The following MEX3D variants were observed in gnomAD, a reference collection of about 807,000 sequenced individuals.
MEX3D encodes the protein mex-3 RNA binding family member D, also known as RNA-binding protein MEX3D.
A neutral mutation model predicts 6.3 loss-of-function variants in MEX3D; 4 were observed. That is an observed-to-expected ratio of 0.64 (90% CI 0.31 to 1.46). MEX3D has a LOEUF of 1.46. Among genes scored for constraint, MEX3D ranks in the 40% most tolerant of loss-of-function variants. The pLI, the probability that MEX3D is intolerant of heterozygous loss-of-function variation, is 0.07. For synonymous variants in MEX3D, 626 were observed against 494.1 expected (o/e 1.27, Z -3.54); for missense variants, 1,038 against 994.4 (o/e 1.04, Z -0.59).
chr19:1,566,147 A>G (rs1257374904), intron 1 of MEX3D, among the ~76,000 whole-genome samples: 2 of 152,112 alleles, frequency 1.3e-5, no homozygotes, highest in Admixed American at 1.3e-4. Flanking sequence ...ACAGGATGGT[A>G]GGGCGCCCTC....
intron 1 of MEX3D, among the ~76,000 whole-genome samples, chr19:1,560,378 G>A (rs1223299121): frequency 6.6e-6 from 1 of 152,254 alleles, no homozygotes; most frequent in Admixed American, 6.5e-5. Flanking sequence ...CCCACAGGCA[G>A]GAAGTGAGCC....
rs1243150482 is a variant in MEX3D at position 1,555,568 on chromosome 19, A to T, written c.1951T>A (p.Ser651Thr). The stretch of plus-strand genomic sequence containing the variant: ...GCCACGTGGTGGTCCGCGCTCTAGG[A>T]AAAGATATGAATGGCCTGGGTGGCC... ...TPATQAIHIFS is the reference protein window; with the variant it reads ...TPATQAIHIFT The change falls in exon 2 of 2, where the codon TCC becomes ACC. Residue 651 changes from serine to threonine, a missense_variant. Coordinates refer to ENST00000402693, the MANE Select transcript of MEX3D (RefSeq NM_203304.4). 2 of 1,580,356 alleles carry T rather than the reference A, an allele frequency of 1.3e-6. No individual in the cohort carries two copies. The highest frequency in any genetic ancestry group is 8.6e-7 in the Non-Finnish European group (1 of 1,165,538).
chr19:1,567,649 G>A lies in MEX3D; in HGVS notation c.410C>T (p.Pro137Leu). ...LDPNASPPPP[P>L]PPRPSPPDVF... ...GTCGGGGGGCGACGGCCGGGGCGGC[G>A]GCGGCGGCGGGGGACTCGCGTTGGG... Residue 137 changes from proline (P) to leucine (L), a missense_variant, in exon 1 of 2, where the codon CCG (proline) becomes CTG (leucine). Around this residue, in one of 5 missense-constraint regions of MEX3D, gnomAD observed 265 missense variants for 206.3 expected, o/e 1.28. Coordinates refer to ENST00000402693, the MANE Select transcript of MEX3D (RefSeq NM_203304.4). This position sits in a 1 kb window ranked among gnomAD's most constrained non-coding sequence, Gnocchi z 6.5. 1 of 1,229,174 alleles carries A rather than the reference G, an allele frequency of 8.1e-7. No individual in the cohort carries two copies. The highest frequency in any genetic ancestry group is 1.0e-6 in the Non-Finnish European group (1 of 979,172). 76.1% of individuals were successfully genotyped at this position (1,229,174 alleles called of 1,614,324 possible). A position where few individuals can be genotyped will look rare whatever the true frequency, so the allele number is the denominator to read the frequency against.
rs775586524 is a variant in MEX3D, at chr19:1,556,412, G to A, written c.1107C>T (p.Ala369=). The A allele has an allele frequency of 2.5e-6, 4 of 1,577,430 alleles. No individual in the cohort carries two copies. Among genetic ancestry groups the A allele is most frequent in the African/African-American group, 2.7e-5 (2 of 73,058 alleles). ...TDVCLDLLGA[A]ASLWAKTPNQ... is the part of the protein sequence containing the mutation. ...TGGGGGTCTTGGCCCAGAGGCTGGC[G>A]GCCGCCCCGAGCAGGTCCAGGCAGA... is the stretch of plus-strand genomic sequence containing the variant. The change falls in exon 2 of 2, where the codon GCC becomes GCT. Residue 369 remains alanine (A), a synonymous_variant. Transcript: ENST00000402693. The surrounding 1 kb of genome is among the most constrained non-coding windows in gnomAD (Gnocchi z 7.5).
At chr19:1,563,582 G>T (rs1019354583) in intron 1 of MEX3D, among the ~76,000 whole-genome samples, 1 of 152,176 alleles carries the variant, frequency 6.6e-6, no homozygotes, top group Non-Finnish European at 1.5e-5. Context: ...CCTGGCAAGC[G>T]GGGTGAGAAA....
chr19:1,555,147 G>A lies in MEX3D; in HGVS notation c.*416C>T, dbSNP rs1914478952. 1 of 465,094 alleles carries A rather than the reference G, an allele frequency of 2.2e-6. No homozygotes were observed. Among genetic ancestry groups the A allele is most frequent in the Non-Finnish European group, 3.6e-6 (1 of 281,464 alleles). 28.8% of individuals were successfully genotyped at this position (465,094 alleles called of 1,614,324 possible). On this transcript the variant is annotated 3_prime_UTR_variant, in exon 2 of 2. Transcript: ENST00000402693. The stretch of plus-strand genomic sequence containing the variant: ...ACGTCTGTGCGGCCTGAGACCGGCC[G>A]GCGAGAAAAGTCAAATCAGAAAACG...
In MEX3D at chr19:1,555,928, G is replaced by T; in HGVS notation, c.1591C>A (p.Arg531Ser). Residue 531 changes from arginine to serine, a missense_variant, in exon 2 of 2, where the codon CGC becomes AGC. Arg to Ser is a moderately radical substitution (Grantham distance 110). Coordinates refer to ENST00000402693, the MANE Select transcript of MEX3D (RefSeq NM_203304.4). ...GGLRLELPLSRRGAPDPVGAL... is the reference protein window; with the variant it reads ...GGLRLELPLSSRGAPDPVGAL... The stretch of plus-strand genomic sequence containing the variant: ...CCCACCGGGTCCGGGGCGCCACGGC[G>T]AGACAGCGGGAGCTCCAGGCGGAGG... The T allele has an allele frequency of 8.4e-7, 1 of 1,189,340 alleles. No homozygotes were observed. The highest frequency in any genetic ancestry group is 1.0e-6 in the Non-Finnish European group (1 of 960,854). 73.7% of individuals were successfully genotyped at this position (1,189,340 alleles called of 1,614,324 possible). A position where few individuals can be genotyped will look rare whatever the true frequency, so the allele number is the denominator to read the frequency against.
chr19:1,556,364 C>A lies in MEX3D; in HGVS notation c.1155G>T (p.Thr385=). The A allele has an allele frequency of 6.8e-7, 1 of 1,476,716 alleles. No homozygotes were observed. The highest frequency in any genetic ancestry group is 8.9e-7 in the Non-Finnish European group (1 of 1,124,780). 91.5% of individuals were successfully genotyped at this position (1,476,716 alleles called of 1,614,324 possible). ...KTPNQGRRPP[T]ATAGLRGDTA... Reference sequence around the variant, plus strand: ...TGTCCCCGCGGAGGCCGGCCGTGGCCGTGGGGGGCCGTCGTCCCTGGTTGG... The same window carrying A: ...TGTCCCCGCGGAGGCCGGCCGTGGCAGTGGGGGGCCGTCGTCCCTGGTTGG... The change falls in exon 2 of 2, where the codon ACG becomes ACT. Residue 385 remains threonine (T), a synonymous_variant. Coordinates refer to ENST00000402693, the MANE Select transcript of MEX3D (RefSeq NM_203304.4). The surrounding 1 kb of genome is among the most constrained non-coding windows in gnomAD (Gnocchi z 7.5).
At position 1,567,655 on chromosome 19, in the gene MEX3D, G is replaced by C; in HGVS notation, c.404C>G (p.Pro135Arg). ...PLLDPNASPP[P>R]PPPPRPSPPD... is the part of the protein sequence containing the mutation. ...GGGCGACGGCCGGGGCGGCGGCGGC[G>C]GCGGGGGACTCGCGTTGGGGTCCAG... Residue 135 changes from proline (P) to arginine (R), a missense_variant, in exon 1 of 2, where the codon CCG becomes CGG. Physicochemically the swap from Pro to Arg is moderately radical, Grantham distance 103. Around this residue, in one of 5 missense-constraint regions of MEX3D, gnomAD observed 265 missense variants for 206.3 expected, o/e 1.28. Transcript: ENST00000402693. This position sits in a 1 kb window ranked among gnomAD's most constrained non-coding sequence, Gnocchi z 6.5. 1 of 1,221,862 alleles carries C rather than the reference G, an allele frequency of 8.2e-7. No individual in the cohort carries two copies. The highest frequency in any genetic ancestry group is 1.0e-6 in the Non-Finnish European group (1 of 974,580). The allele number at this position is 1,221,862 out of a possible 1,614,324, so 75.7% of individuals were successfully genotyped here.
Position 1,556,115 on chromosome 19 carries a change from G to C in MEX3D, c.1404C>G (p.Ala468=), listed in dbSNP as rs191813119. 2.1e-6 allele frequency: 3 copies of C among 1,457,616 alleles called. No homozygotes were observed. Among genetic ancestry groups the C allele is most frequent in the African/African-American group, 1.5e-5 (1 of 66,816 alleles). The allele number at this position is 1,457,616 out of a possible 1,614,324, so 90.3% of individuals were successfully genotyped here. A position where few individuals can be genotyped will look rare whatever the true frequency, so the allele number is the denominator to read the frequency against. ...DFLALDLTVP[A]AATIWAPFER... is the part of the protein sequence containing the mutation. ...CAAAAGGCGCCCAGATGGTGGCCGCGGCGGGCACGGTCAGGTCCAGCGCCA... is the reference window on the plus strand; with the variant it reads ...CAAAAGGCGCCCAGATGGTGGCCGCCGCGGGCACGGTCAGGTCCAGCGCCA... The change falls in exon 2 of 2, where the codon GCC becomes GCG. Residue 468 remains alanine, a synonymous_variant. Transcript: ENST00000402693. This position sits in a 1 kb window ranked among gnomAD's most constrained non-coding sequence, Gnocchi z 7.5.
chr19:1,565,759 G>A (rs879377341), intron 1 of MEX3D, among the ~76,000 whole-genome samples: 47 of 152,184 alleles, frequency 3.1e-4, no homozygotes, highest in African/African-American at 9.9e-4. Context: ...GGTGCAGAAC[G>A]CACAGGCCAG....
rs1423015661 is a variant in MEX3D, at chr19:1,555,591, G to A, written c.1928C>T (p.Ala643Val). Reference sequence around the variant, plus strand: ...GGAAAAGATATGAATGGCCTGGGTGGCCGGCGTGCGGCAGGCGGGACACTC... The same window carrying A: ...GGAAAAGATATGAATGGCCTGGGTGACCGGCGTGCGGCAGGCGGGACACTC... ...EPECPACRTP[A>V]TQAIHIFS The change falls in exon 2 of 2, where the codon GCC (alanine) becomes GTC (valine). Residue 643 changes from alanine to valine, a missense_variant. Physicochemically the swap from Ala to Val is moderately conservative, Grantham distance 64. Coordinates refer to ENST00000402693, the MANE Select transcript of MEX3D (RefSeq NM_203304.4). The A allele has an allele frequency of 6.3e-7, 1 of 1,589,822 alleles. No individual in the cohort carries two copies. The highest frequency in any genetic ancestry group is 8.5e-7 in the Non-Finnish European group (1 of 1,170,158).
At position 1,567,782 on chromosome 19, in the gene MEX3D, C is replaced by T. The variant is rs1381990103; in HGVS notation, c.277G>A (p.Ala93Thr). The change falls in exon 1 of 2, where the codon GCG becomes ACG. Residue 93 changes from alanine (A) to threonine (T), a missense_variant. Ala to Thr is a moderately conservative substitution (Grantham distance 58). Around this residue, in one of 5 missense-constraint regions of MEX3D, gnomAD observed 265 missense variants for 206.3 expected, o/e 1.28. Transcript: ENST00000402693. The surrounding 1 kb of genome is among the most constrained non-coding windows in gnomAD (Gnocchi z 6.5). ...AGDGAAAAGG[A>T]DGGAAPEPVP... The stretch of plus-strand genomic sequence containing the variant: ...GGCTCCGGAGCCGCCCCGCCGTCCG[C>T]GCCCCCCGCCGCCGCTGCGCCGTCC... 1.0e-6 allele frequency: 1 copy of T among 953,862 alleles called. No homozygotes were observed. The highest frequency in any genetic ancestry group is 1.2e-6 in the Non-Finnish European group (1 of 801,212). 59.1% of individuals were successfully genotyped at this position (953,862 alleles called of 1,614,324 possible). A position where few individuals can be genotyped will look rare whatever the true frequency, so the allele number is the denominator to read the frequency against.
chr19:1,559,267 G>A (rs1914659785), intron 1 of MEX3D, among the ~76,000 whole-genome samples: 1 of 151,956 alleles, frequency 6.6e-6, no homozygotes. Context: ...GAGTAGCTGG[G>A]ATTACAGGCG....
rs373929936 is a variant in MEX3D at position 1,555,549 on chromosome 19, T to C, written c.*14A>G. ...GCCCCCGCAGATGGCCCCGGCCACG[T>C]GGTGGTCCGCGCTCTAGGAAAAGAT... On this transcript the variant is annotated 3_prime_UTR_variant, in exon 2 of 2. Coordinates refer to ENST00000402693, the MANE Select transcript of MEX3D (RefSeq NM_203304.4). 1.3e-6 allele frequency: 2 copies of C among 1,544,148 alleles called. No homozygotes were observed. Among genetic ancestry groups the C allele is most frequent in the Non-Finnish European group, 8.7e-7 (1 of 1,145,338 alleles).
chr19:1,558,376 G>GAAAA (rs545203924), intron 1 of MEX3D, among the ~76,000 whole-genome samples: 1 of 131,546 alleles, frequency 7.6e-6, no homozygotes, highest in Non-Finnish European at 1.7e-5. Context: ...AAAAAAGAAG[G>GAAAA]AAAAAAAAAA....
In MEX3D at chr19:1,555,288, T is replaced by C. The variant is rs770628049; in HGVS notation, c.*275A>G. On this transcript the variant is annotated 3_prime_UTR_variant, in exon 2 of 2. Transcript: ENST00000402693. ...CTAAAAATAAGAAAACTAAAAAAAG[T>C]GCAAGCGGACCTTTTCTCTCCGGTT... 5 of 1,556,906 alleles carry C rather than the reference T, an allele frequency of 3.2e-6. No homozygotes were observed. In the African/African-American group the frequency reaches 6.9e-5, roughly 21 times the overall value.
intron 1 of MEX3D, among the ~76,000 whole-genome samples, chr19:1,559,670 A>G (rs1300350110): frequency 2.0e-5 from 3 of 152,196 alleles, no homozygotes. Flanking sequence ...CTGAGGGGAA[A>G]ACAGTGTTGC....
In MEX3D at chr19:1,567,662, G is replaced by T. The variant is rs1346531096; in HGVS notation, c.397C>A (p.Pro133Thr). ...GGCCGGGGCGGCGGCGGCGGCGGGGGACTCGCGTTGGGGTCCAGCAGCGGC... is the reference window on the plus strand; with the variant it reads ...GGCCGGGGCGGCGGCGGCGGCGGGGTACTCGCGTTGGGGTCCAGCAGCGGC... ...SLPLLDPNAS[P>T]PPPPPPRPSP... The change falls in exon 1 of 2, where the codon CCC becomes ACC. Residue 133 changes from proline to threonine, a missense_variant. Pro to Thr is a conservative substitution (Grantham distance 38). Coordinates refer to ENST00000402693, the MANE Select transcript of MEX3D (RefSeq NM_203304.4). The surrounding 1 kb of genome is among the most constrained non-coding windows in gnomAD (Gnocchi z 6.5). 5.8e-6 allele frequency: 7 copies of T among 1,206,266 alleles called. No individual in the cohort carries two copies. The highest frequency in any genetic ancestry group is 7.3e-6 in the Non-Finnish European group (7 of 964,500). 74.7% of individuals were successfully genotyped at this position (1,206,266 alleles called of 1,614,324 possible).
Sources: allele counts gnomAD v4.1 joint callset (sites outside exome capture counted in the v4.1 genomes callset), GRCh38; gene constraint gnomAD v4.1.1; regional missense constraint gnomAD v4.1.1; non-coding constraint Gnocchi (gnomAD v3.1); transcripts MANE v1.5; gene names NCBI Gene and HGNC (gene_info 2026-07-23, HGNC 2026-07-21).